The following UTP6 variants were observed in gnomAD, a reference collection of about 807,000 sequenced individuals.
UTP6 encodes the protein U3 small nucleolar RNA-associated protein 6 homolog.
UTP6 carries 60 observed loss-of-function variants against 96.5 expected under a neutral mutation model. The ratio of observed to expected loss-of-function variants is 0.62; its 90% CI spans 0.51 to 0.77. The LOEUF is 0.77. UTP6 is among the 30% of genes least tolerant of loss of function. UTP6 has a pLI of 0.00. For synonymous variants in UTP6, 215 were observed against 240.1 expected (o/e 0.90, Z 0.96); for missense variants, 637 against 706.5 (o/e 0.90, Z 1.12).
rs1037522835 is a variant in UTP6 at position 31,875,410 on chromosome 17, C to A, written c.1129G>T (p.Val377Phe). ...AGGAAGTTATAACACAGCAACGAAA[C>A]ACTCTAGACAAGATGAAGGATGACT... ...LSECQYKQLS[V>F]SLLCYNFLRE... is the part of the protein sequence containing the mutation. Residue 377 changes from valine to phenylalanine, a missense_variant, in exon 14 of 19, where the codon GTT (valine) becomes TTT (phenylalanine). Val to Phe is a conservative substitution (Grantham distance 50). Transcript: ENST00000261708. 2 of 1,612,188 alleles carry A rather than the reference C, an allele frequency of 1.2e-6. No individual in the cohort carries two copies. Among genetic ancestry groups the A allele is most frequent in the East Asian group, 2.2e-5 (1 of 44,876 alleles).
rs556951286 is a variant in UTP6 at position 31,871,846 on chromosome 17, T to A, written c.1496+1532A>T. Among the ~76,000 whole-genome samples the A allele has an allele frequency of 2.2e-4, 34 of 151,818 alleles. 1 individual carries two copies. Among genetic ancestry groups the A allele is most frequent in the African/African-American group, 8.0e-4 (33 of 41,414 alleles). On this transcript the variant is annotated intron_variant, in intron 16 of 18. Transcript: ENST00000261708. ...AGGCAGAGTTTGCAGTGAGCCAAGATGGCGCCATTACACTCAGCCTGGGCA... is the reference window on the plus strand; with the variant it reads ...AGGCAGAGTTTGCAGTGAGCCAAGAAGGCGCCATTACACTCAGCCTGGGCA...
chr17:31,881,181 A>C (rs562243869), intron 10 of UTP6, among the ~76,000 whole-genome samples: 1 of 152,098 alleles, frequency 6.6e-6, no homozygotes, highest in East Asian at 1.9e-4. Context: ...AAAAAAAAAA[A>C]AAATATATTT....
chr17:31,877,427 C>T (rs1277437412), intron 13 of UTP6, among the ~76,000 whole-genome samples: 1 of 152,168 alleles, frequency 6.6e-6, no homozygotes, highest in Non-Finnish European at 1.5e-5. Context: ...CATTCCCTAC[C>T]ACCCATAGAG....
In UTP6 at chr17:31,899,668, T is replaced by C. The variant is rs760868998; in HGVS notation, c.155A>G (p.Glu52Gly). ...YKIQRRTLFK[E>G]DFINYVQYEI... ...TACTTGAACATAATTGATAAAGTCT[T>C]CCTTGAAAAGGGTTCTTCTCTGGAT... The change falls in exon 2 of 19, where the codon GAA becomes GGA. Residue 52 changes from glutamate to glycine, a missense_variant. Coordinates refer to ENST00000261708, the MANE Select transcript of UTP6 (RefSeq NM_018428.3). The C allele has an allele frequency of 1.0e-4, 161 of 1,604,832 alleles. No homozygotes were observed. The highest frequency in any genetic ancestry group is 1.3e-4 in the Non-Finnish European group (158 of 1,176,522).
At chr17:31,893,734 C>CA (rs3084042) in intron 4 of UTP6, among the ~76,000 whole-genome samples, 1,115 of 84,342 alleles carry the variant, frequency 0.013, 10 homozygotes, top group Non-Finnish European at 0.017. Flanking sequence ...CATCCCCCAC[C>CA]AAAAAAAAAA....
chr17:31,889,489 C>T lies in UTP6; in HGVS notation c.425-86G>A, dbSNP rs1306143186. The T allele has an allele frequency of 2.6e-5, 26 of 994,792 alleles. No homozygotes were observed. The Admixed American group carries it at 3.3e-4, about 13-fold the overall frequency. 61.6% of individuals were successfully genotyped at this position (994,792 alleles called of 1,614,324 possible). On this transcript the variant is annotated intron_variant, in intron 6 of 18. Transcript: ENST00000261708. ...AACCAAATGATCCAATTTTAATACT[C>T]GCACAATTTTTTTTTTTTTTTTTTT... is the stretch of plus-strand genomic sequence containing the variant.
At chr17:31,866,986 G>A (rs1048040579) in intron 17 of UTP6, among the ~76,000 whole-genome samples, 3 of 149,918 alleles carry the variant, frequency 2.0e-5, no homozygotes, top group African/African-American at 4.9e-5. Context: ...ATATGTGCAC[G>A]GCATTATGCA....
At chr17:31,878,101 C>A in intron 13 of UTP6, 149 bp downstream of exon 13, 1 of 699,324 alleles carries the variant, frequency 1.4e-6, no homozygotes. Context: ...AGGCCAAATA[C>A]TGGGAAACAC....
intron 16 of UTP6, 128 bp downstream of exon 16, chr17:31,873,250 T>A: frequency 1.2e-6 from 1 of 860,046 alleles, no homozygotes; most frequent in Non-Finnish European, 1.8e-6. Context: ...CAAGACTCCA[T>A]CTTAAAAAAA....
At chr17:31,879,817 C>G (rs576729431) in intron 11 of UTP6, among the ~76,000 whole-genome samples, 5 of 151,892 alleles carry the variant, frequency 3.3e-5, no homozygotes, top group African/African-American at 1.2e-4. Context: ...GTTAGAAAGC[C>G]AGGCACGGCC....
chr17:31,884,549 A>G, intron 9 of UTP6, 44 bp from the exon 10 acceptor site: 1 of 1,457,176 alleles, frequency 6.9e-7, no homozygotes, highest in Non-Finnish European at 9.5e-7. Context: ...TGCCAATAAG[A>G]ATCACTTTAC....
intron 1 of UTP6, among the ~76,000 whole-genome samples, chr17:31,900,620 T>C (rs956002522): frequency 6.6e-6 from 1 of 152,202 alleles, no homozygotes; most frequent in Non-Finnish European, 1.5e-5. Context: ...TTACTCCAAG[T>C]TCAGGTCACT....
At chr17:31,886,594 G>A (rs1429910071) in intron 8 of UTP6, 1 of 153,390 alleles carries the variant, frequency 6.5e-6, no homozygotes, top group Non-Finnish European at 1.5e-5. Context: ...AACCCGGGAG[G>A]CGGAGGTTGC....
rs111907415 is a variant in UTP6, at chr17:31,901,628, G to A, written c.-1C>T. On this transcript the variant is annotated 5_prime_UTR_variant, in exon 1 of 19. Coordinates refer to ENST00000261708, the MANE Select transcript of UTP6 (RefSeq NM_018428.3). ...TGCGTTCCTGAATTATCTCTGCCAT[G>A]AGGTCCGAGGTCTACAACCCCGCGG... 399 of 1,613,466 alleles carry A rather than the reference G, an allele frequency of 2.5e-4. 2 individuals carry two copies. In the African/African-American group the frequency reaches 3.9e-3, roughly 16 times the overall value.
chr17:31,868,051 C>A lies in UTP6; in HGVS notation c.1558G>T (p.Glu520Ter). 6.2e-7 allele frequency: 1 copy of A among 1,613,134 alleles called. No homozygotes were observed. Among genetic ancestry groups the A allele is most frequent in the South Asian group, 1.1e-5 (1 of 90,990 alleles). ...TGCTGAAACAGAACACTTACTTGCT[C>A]CTTTTCAAACTGAATCATTTTCCTG... ...FFRKMIQFEK[E>*]QESCNMANIR... The change falls in exon 17 of 19, where the codon GAG becomes TAG. Residue 520 changes from glutamate (E) to a stop codon, truncating the protein, a stop_gained. Coordinates refer to ENST00000261708, the MANE Select transcript of UTP6 (RefSeq NM_018428.3). LOFTEE classifies it high-confidence loss of function.
intron 4 of UTP6, 83 bp from the exon 5 acceptor site, chr17:31,892,877 A>G (rs1409962495): frequency 4.5e-6 from 7 of 1,555,990 alleles, no homozygotes; most frequent in East Asian, 2.3e-5. Context: ...TTTGCTAAAA[A>G]CAAGCAAATT....
chr17:31,871,250 C>T (rs943796826), intron 16 of UTP6, among the ~76,000 whole-genome samples: 13 of 151,838 alleles, frequency 8.6e-5, no homozygotes, highest in African/African-American at 2.9e-4. Flanking sequence ...CCTCGGCCTC[C>T]TAAAGTGCTA....
At chr17:31,895,044 G>T in intron 2 of UTP6, 33 bp from the exon 3 acceptor site, 1 of 1,477,216 alleles carries the variant, frequency 6.8e-7, no homozygotes, top group Non-Finnish European at 9.1e-7. Flanking sequence ...AAAATGAGAA[G>T]CTAGAAAATC....
chr17:31,864,865 T>C (rs1441327166), intron 18 of UTP6, among the ~76,000 whole-genome samples: 2 of 151,854 alleles, frequency 1.3e-5, no homozygotes, highest in Non-Finnish European at 2.9e-5. Flanking sequence ...CTGAGAAATC[T>C]AGGGTTCTTA....
Sources: gnomAD v4.1 joint callset for allele counts (sites outside exome capture counted in the v4.1 genomes callset) on GRCh38, gnomAD v4.1.1 for gene constraint, MANE v1.5 for transcripts, NCBI Gene and HGNC (gene_info 2026-07-23, HGNC 2026-07-21) for gene names.